The following CLUAP1 variants were observed in gnomAD, a reference collection of about 807,000 sequenced individuals.
The protein encoded by CLUAP1 is intraflagellar transport 38.
CLUAP1 carries 50 observed loss-of-function variants against 55.0 expected under a neutral mutation model. The observed-to-expected ratio is 0.91, with a 90% CI of 0.72 to 1.15. CLUAP1 has a LOEUF of 1.15. Among genes scored for constraint, CLUAP1 ranks in the 50% most tolerant of loss-of-function variants. The pLI, the probability that CLUAP1 is intolerant of heterozygous loss-of-function variation, is 0.00. For missense variants in CLUAP1, 530 were observed against 507.6 expected, an observed-to-expected ratio of 1.04 and a Z score of -0.42; for synonymous variants, 195 against 175.4, an observed-to-expected ratio of 1.11 and a Z score of -0.88.
At chr16:3,536,039 A>G in intron 11 of CLUAP1, 83 bp from the exon 12 acceptor site, 1 of 1,522,750 alleles carries the variant, frequency 6.6e-7, no homozygotes, top group Admixed American at 1.8e-5. Flanking sequence ...ATGCTGCTAT[A>G]GAAAGGGAGG....
At chr16:3,522,321 G>A (rs1276809844) in intron 7 of CLUAP1, among the ~76,000 whole-genome samples, 1 of 151,902 alleles carries the variant, frequency 6.6e-6, no homozygotes, top group Non-Finnish European at 1.5e-5. Context: ...GTGCCACCAC[G>A]CCTGGCTAAT....
upstream of CLUAP1, chr16:3,500,926 C>A: frequency 2.3e-6 from 2 of 877,542 alleles, no homozygotes; most frequent in Non-Finnish European, 3.5e-6. Context: ...CGTGCCGCCG[C>A]GTCTTCGCTT....
intron 1 of CLUAP1, among the ~76,000 whole-genome samples, chr16:3,503,160 T>A (rs117386531): frequency 6.6e-6 from 1 of 151,698 alleles, no homozygotes. Flanking sequence ...TTTTTATTTT[T>A]ATTTTATTCT....
chr16:3,496,772 C>A, upstream of CLUAP1: 1 of 457,994 alleles, frequency 2.2e-6, no homozygotes, highest in East Asian at 5.8e-5. Context: ...CAAAAACGAA[C>A]CCTCTTATTA....
the CLUAP1 span, chr16:3,495,430 A>G: frequency 1.2e-6 from 2 of 1,609,780 alleles, no homozygotes; most frequent in Non-Finnish European, 1.7e-6. Context: ...ATGGAGGGCC[A>G]GTGTGGTGGG....
intron 6 of CLUAP1, among the ~76,000 whole-genome samples, chr16:3,516,410 A>G (rs1423436542): frequency 2.0e-5 from 3 of 152,202 alleles, no homozygotes; most frequent in African/African-American, 7.2e-5. Context: ...AGCCCAGCCT[A>G]GGGAGTCAGA....
At chr16:3,519,514 G>T (rs1449849510) in intron 6 of CLUAP1, among the ~76,000 whole-genome samples, 2 of 152,198 alleles carry the variant, frequency 1.3e-5, no homozygotes, top group African/African-American at 4.8e-5. Context: ...TCGGGTGTTT[G>T]TAACTAGGGG....
At chr16:3,530,103 A>G (rs1291931545) in intron 9 of CLUAP1, among the ~76,000 whole-genome samples, 2 of 150,884 alleles carry the variant, frequency 1.3e-5, no homozygotes, top group Non-Finnish European at 2.9e-5. Flanking sequence ...GGGCAAAGAG[A>G]GGGCGAGAGA....
rs142379388 is a variant in CLUAP1 at position 3,522,782 on chromosome 16, G to A, written c.714-376G>A. Among the ~76,000 whole-genome samples the A allele has an allele frequency of 2.6e-3, 401 of 151,802 alleles. 6 individuals are homozygous for A. Among genetic ancestry groups the A allele is most frequent in the African/African-American group, 9.5e-3 (392 of 41,194 alleles). ...GAAATAAAGATTATAAAATTTCTTG[G>A]TATATTTAATTTTTTTTTTAAATGC... On this transcript the variant is annotated intron_variant, in intron 7 of 11. Transcript: ENST00000576634.
intron 1 of CLUAP1, among the ~76,000 whole-genome samples, chr16:3,501,377 G>A (rs1016589422): frequency 2.6e-5 from 4 of 152,240 alleles, no homozygotes; most frequent in African/African-American, 4.8e-5. Flanking sequence ...GAATTTTTAA[G>A]TGTAATTTAT....
intron 3 of CLUAP1, 71 bp downstream of exon 3, chr16:3,506,486 A>T: frequency 3.5e-6 from 4 of 1,150,998 alleles, no homozygotes; most frequent in Non-Finnish European, 5.3e-6. Flanking sequence ...TGTTAGGGCG[A>T]CTTTCAAACT....
At chr16:3,514,408 G>A (rs1470881948) in intron 5 of CLUAP1, among the ~76,000 whole-genome samples, 1 of 151,942 alleles carries the variant, frequency 6.6e-6, no homozygotes, top group Non-Finnish European at 1.5e-5. Flanking sequence ...ATTTACTGAG[G>A]TGCAGCCTCA....
intron 10 of CLUAP1, among the ~76,000 whole-genome samples, chr16:3,531,280 G>A (rs1451609135): frequency 6.6e-6 from 1 of 152,184 alleles, no homozygotes; most frequent in Admixed American, 6.5e-5. Context: ...CAGCACTTTG[G>A]GAGGCCAAGG....
intron 10 of CLUAP1, among the ~76,000 whole-genome samples, chr16:3,531,376 G>C (rs1015143887): frequency 6.6e-6 from 1 of 152,096 alleles, no homozygotes; most frequent in African/African-American, 2.4e-5. Flanking sequence ...AAAAAAATTA[G>C]TTGGGCGCAA....
rs2038264740 is a variant in CLUAP1, at chr16:3,537,926, G to C, written c.*1655G>C. The C allele has an allele frequency of 2.0e-5, 3 of 148,312 alleles. No homozygotes were observed. The Admixed American group carries it at 2.1e-4, about 10-fold the overall frequency. 9.2% of individuals were successfully genotyped at this position (148,312 alleles called of 1,614,324 possible). ...AGGCAGGAGAATCGCTTGAACCTAG[G>C]AGGCGGAGGTTGCAGTGAGCCGAGA... On this transcript the variant is annotated 3_prime_UTR_variant, in exon 12 of 12. Transcript: ENST00000576634.
chr16:3,520,886 C>A lies in CLUAP1; in HGVS notation c.713+850C>A, dbSNP rs1468292977. On this transcript the variant is annotated intron_variant, in intron 7 of 11. Transcript: ENST00000576634. ...CTCTTCCTCGTTCTGTGCCTCTTTCCCTCCCCCATGCTTCTGCTCTTTCTC... is the reference window on the plus strand; with the variant it reads ...CTCTTCCTCGTTCTGTGCCTCTTTCACTCCCCCATGCTTCTGCTCTTTCTC... 5.3e-5 allele frequency among the ~76,000 whole-genome samples: 8 copies of A among 152,232 alleles called. No homozygotes were observed. In the East Asian group the frequency reaches 1.5e-3, roughly 29 times the overall value.
rs1310680710 is a variant in CLUAP1, at chr16:3,529,827, A to G, written c.929-741A>G. Among the ~76,000 whole-genome samples, 13 of 61,952 alleles carry G rather than the reference A, an allele frequency of 2.1e-4. 3 individuals carry two copies. The highest frequency in any genetic ancestry group is 9.6e-4 in the African/African-American group (13 of 13,550). The allele number at this position is 61,952 out of a possible 152,430, so 40.6% of individuals were successfully genotyped here. ...TTATATATATATTATAATATAATAT[A>G]TTATATAATATATTATATAATATAT... On this transcript the variant is annotated intron_variant, in intron 9 of 11. Transcript: ENST00000576634.
At chr16:3,496,604 G>C (rs902693163), upstream of CLUAP1, 3 of 531,034 alleles carry the variant, frequency 5.6e-6, no homozygotes, top group Non-Finnish European at 1.1e-5. Context: ...CCTCAAGGAC[G>C]GCGGCCCCGT....
At chr16:3,514,843 TATAGTAAA>T (rs2037699975) in intron 5 of CLUAP1, among the ~76,000 whole-genome samples, 1 of 152,248 alleles carries the variant, frequency 6.6e-6, no homozygotes. Flanking sequence ...AAACATTGTC[TATAGTAAA>T]CCTCATAACT....
Sources: allele counts gnomAD v4.1 joint callset (sites outside exome capture counted in the v4.1 genomes callset), GRCh38; gene constraint gnomAD v4.1.1; transcripts MANE v1.5; gene names NCBI Gene and HGNC (gene_info 2026-07-23, HGNC 2026-07-21).